Variants in GDA observed in about 807,000 individuals in gnomAD.
GDA encodes the protein cytoplasmic PSD-95 interactor.
A neutral mutation model predicts 59.6 loss-of-function variants in GDA; 18 were observed. The ratio of observed to expected loss-of-function variants is 0.30; its 90% CI spans 0.21 to 0.45. The LOEUF (loss-of-function observed/expected upper bound fraction) is 0.45. GDA is among the 20% of genes least tolerant of loss of function. The pLI is 1.00. For missense variants in GDA, 427 were observed against 552.3 expected, an observed-to-expected ratio of 0.77 and a Z score of 2.27; for synonymous variants, 201 against 201.1, an observed-to-expected ratio of 1.00 and a Z score of 0.00.
At chr9:72,181,208 A>G (rs1177786590) in intron 1 of GDA, among the ~76,000 whole-genome samples, 1 of 152,196 alleles carries the variant, frequency 6.6e-6, no homozygotes, top group East Asian at 1.9e-4. Context: ...TGTAAGGTGT[A>G]ATGAATAAGG....
chr9:72,144,203 C>G (rs1826541775), intron 1 of GDA, among the ~76,000 whole-genome samples: 2 of 152,294 alleles, frequency 1.3e-5, no homozygotes, highest in African/African-American at 4.8e-5. Context: ...GCCTGGGCAA[C>G]AGAGTGAGAC....
chr9:72,135,221 CGTGTGTGT>C (rs58242514), intron 1 of GDA, among the ~76,000 whole-genome samples: 16 of 148,440 alleles, frequency 1.1e-4, no homozygotes, highest in African/African-American at 3.9e-4. Context: ...GGCCTACGTA[CGTGTGTGT>C]GTGTGTGTGT....
chr9:72,205,888 C>T (rs1834631198), intron 3 of GDA, among the ~76,000 whole-genome samples: 2 of 152,168 alleles, frequency 1.3e-5, no homozygotes, highest in African/African-American at 4.8e-5. Flanking sequence ...CCCTGTACCT[C>T]CTGGTTTGGG....
chr9:72,250,718 A>G lies in GDA; in HGVS notation c.*2376A>G, dbSNP rs1840596913. ...CTTTTCCAAGCCAATCTTATTTGTC[A>G]CTTTTTGTTTTAATATCTTGCTCTC... On this transcript the variant is annotated 3_prime_UTR_variant, in exon 14 of 14. Coordinates refer to ENST00000358399, the MANE Select transcript of GDA (RefSeq NM_004293.5). 5 of 1,611,788 alleles carry G rather than the reference A, an allele frequency of 3.1e-6. No homozygotes were observed. The highest frequency in any genetic ancestry group is 4.2e-6 in the Non-Finnish European group (5 of 1,179,322).
chr9:72,165,261 T>A (rs1829157495), intron 1 of GDA, among the ~76,000 whole-genome samples: 1 of 152,226 alleles, frequency 6.6e-6, no homozygotes, highest in African/African-American at 2.4e-5. Flanking sequence ...GCCAAAGCAT[T>A]GGCAAATATA....
chr9:72,117,499 A>G (rs938014927), intron 1 of GDA, among the ~76,000 whole-genome samples: 4 of 152,232 alleles, frequency 2.6e-5, no homozygotes, highest in Non-Finnish European at 5.9e-5. Context: ...ACTCAAGTGC[A>G]TCAGTCAGCC....
intron 11 of GDA, among the ~76,000 whole-genome samples, chr9:72,244,726 G>T (rs561908027): frequency 8.0e-4 from 121 of 152,048 alleles, no homozygotes; most frequent in Non-Finnish European, 1.1e-3. Context: ...CTATTTCATG[G>T]AACAGAAAGA....
intron 3 of GDA, among the ~76,000 whole-genome samples, chr9:72,203,008 T>C (rs914688019): frequency 2.0e-5 from 3 of 152,216 alleles, no homozygotes; most frequent in Non-Finnish European, 4.4e-5. Context: ...GTGTTTTACT[T>C]TACCAAATCT....
upstream of GDA, among the ~76,000 whole-genome samples, chr9:72,147,747 T>C (rs1826718945): frequency 6.6e-6 from 1 of 152,206 alleles, no homozygotes; most frequent in African/African-American, 2.4e-5. Flanking sequence ...AGCCATTTTC[T>C]TCACCTTTCT....
At chr9:72,165,680 C>T (rs985371479) in intron 1 of GDA, among the ~76,000 whole-genome samples, 6 of 151,962 alleles carry the variant, frequency 3.9e-5, no homozygotes. Context: ...GGCGGATCAT[C>T]GGAGATCAGG....
At chr9:72,167,544 A>C (rs7027274) in intron 1 of GDA, among the ~76,000 whole-genome samples, 28,256 of 152,176 alleles carry the variant, frequency 0.19, 2,982 homozygotes, top group African/African-American at 0.3. Context: ...AAGTGGTCTA[A>C]GAAGCATAGC....
At chr9:72,210,820 C>A in intron 4 of GDA, 46 bp downstream of exon 4, 1 of 1,180,076 alleles carries the variant, frequency 8.5e-7, no homozygotes, top group Non-Finnish European at 1.3e-6. Context: ...GCAAAGACAG[C>A]CAGACCATCG....
intron 10 of GDA, among the ~76,000 whole-genome samples, chr9:72,231,684 T>G (rs549459285): frequency 1.7e-4 from 26 of 152,356 alleles, no homozygotes; most frequent in African/African-American, 5.8e-4. Context: ...TAATTCCTTC[T>G]GACGTGTTTC....
chr9:72,171,441 C>T lies in GDA; in HGVS notation c.123+21759C>T, dbSNP rs552998701. 2.6e-5 allele frequency among the ~76,000 whole-genome samples: 4 copies of T among 152,236 alleles called. No homozygotes were observed. In the South Asian group the frequency reaches 6.2e-4, roughly 24 times the overall value. ...ATCTGGACTTTGTAGCTTCTGCTAG[C>T]CTTTACCTGGGATGGTTTGTTCCTT... On this transcript the variant is annotated intron_variant, in intron 1 of 13. Coordinates refer to ENST00000358399, the MANE Select transcript of GDA (RefSeq NM_004293.5).
At chr9:72,166,555 T>A (rs1332473127) in intron 1 of GDA, among the ~76,000 whole-genome samples, 36 of 152,070 alleles carry the variant, frequency 2.4e-4, no homozygotes, top group Admixed American at 2.4e-3. Flanking sequence ...ATAGAAATAA[T>A]AAATACTCAA....
intron 1 of GDA, among the ~76,000 whole-genome samples, chr9:72,118,241 C>CAG (rs979729888): frequency 8.3e-6 from 1 of 120,522 alleles, no homozygotes; most frequent in Non-Finnish European, 1.6e-5. Context: ...CACTGCACTC[C>CAG]AGCCTGGGCG....
At chr9:72,216,450 G>A (rs1442070644) in intron 5 of GDA, among the ~76,000 whole-genome samples, 1 of 152,096 alleles carries the variant, frequency 6.6e-6, no homozygotes, top group East Asian at 1.9e-4. Context: ...ACTGGTGAAT[G>A]GATAAACAAA....
chr9:72,245,053 A>C, intron 11 of GDA, 95 bp from the exon 12 acceptor site: 1 of 1,151,802 alleles, frequency 8.7e-7, no homozygotes, highest in South Asian at 1.5e-5. Flanking sequence ...TTTTTCTCCT[A>C]GCGACATGTT....
intron 11 of GDA, 61 bp from the exon 12 acceptor site, chr9:72,245,087 G>T: frequency 6.5e-7 from 1 of 1,528,066 alleles, no homozygotes; most frequent in Non-Finnish European, 8.9e-7. Flanking sequence ...CTTACAAACT[G>T]AGACATTAGT....
Sources: allele counts gnomAD v4.1 joint callset (sites outside exome capture counted in the v4.1 genomes callset), GRCh38; gene constraint gnomAD v4.1.1; transcripts MANE v1.5; gene names NCBI Gene and HGNC (gene_info 2026-07-23, HGNC 2026-07-21).